Variants in CTNND1 observed in about 807,000 individuals in gnomAD.
The protein encoded by CTNND1 is catenin delta 1.
CTNND1 carries 16 observed loss-of-function variants against 112.1 expected under a neutral mutation model. The ratio of observed to expected loss-of-function variants is 0.14; its 90% CI spans 0.10 to 0.22. The LOEUF is 0.22. Ranked by LOEUF, CTNND1 falls within the 10% of genes least tolerant of loss-of-function variation. The pLI is 1.00. For synonymous variants in CTNND1, 420 were observed against 446.5 expected (o/e 0.94, Z 0.75); for missense variants, 1,008 against 1,257.0 (o/e 0.80, Z 3.00).
Position 57,803,810 on chromosome 11 carries a change from A to C in CTNND1, c.1604+6A>C. Reference sequence around the variant, plus strand: ...AACACAGCTGGCTGCCTTAGGTAACAGTAGGGACTTTGAGAATATGAAGAT... The same window carrying C: ...AACACAGCTGGCTGCCTTAGGTAACCGTAGGGACTTTGAGAATATGAAGAT... On this transcript the variant is annotated splice_donor_region_variant and intron_variant, in intron 8 of 20. Coordinates refer to ENST00000399050, the MANE Select transcript of CTNND1 (RefSeq NM_001085458.2). 6.3e-7 allele frequency: 1 copy of C among 1,576,014 alleles called. No homozygotes were observed. The highest frequency in any genetic ancestry group is 8.6e-7 in the Non-Finnish European group (1 of 1,162,584).
Position 57,791,654 on chromosome 11 carries a change from C to A in CTNND1, c.176C>A (p.Thr59Lys). 6.3e-7 allele frequency: 1 copy of A among 1,577,570 alleles called. No homozygotes were observed. Among genetic ancestry groups the A allele is most frequent in the Non-Finnish European group, 8.6e-7 (1 of 1,158,032 alleles). ...GCCAACCCACTCATGGCCAACGGCA[C>A]ACTCACCCGCCGGCATCAGGTAACC... ...QDANPLMANG[T>K]LTRRHQNGRF... Residue 59 changes from threonine (T) to lysine (K), a missense_variant, in exon 3 of 21, where the codon ACA becomes AAA. By Grantham distance (78) the Thr-to-Lys change is moderately conservative (BLOSUM62 -1). Coordinates refer to ENST00000399050, the MANE Select transcript of CTNND1 (RefSeq NM_001085458.2).
chr11:57,810,318 T>C (rs2137462947), intron 16 of CTNND1, 95 bp downstream of exon 16: 1 of 896,122 alleles, frequency 1.1e-6, no homozygotes, highest in South Asian at 1.9e-5. Flanking sequence ...TTCACCATCA[T>C]GCTAAACCTA....
In CTNND1 at chr11:57,802,153, G is replaced by A. The variant is rs1031132836; in HGVS notation, c.1377G>A (p.Leu459=). 16 of 1,613,880 alleles carry A rather than the reference G, an allele frequency of 9.9e-6. No homozygotes were observed. Among genetic ancestry groups the A allele is most frequent in the Non-Finnish European group, 1.4e-5 (16 of 1,179,826 alleles). The change falls in exon 7 of 21, where the codon TTG becomes TTA. Residue 459 remains leucine, a synonymous_variant. Transcript: ENST00000399050. ...ATGGTGTGCCTGCCCTTGTGCGATTGCTTCGAAAGGCTCGTGATATGGACC... is the reference window on the plus strand; with the variant it reads ...ATGGTGTGCCTGCCCTTGTGCGATTACTTCGAAAGGCTCGTGATATGGACC... ...NCDGVPALVR[L]LRKARDMDLT... is the part of the protein sequence containing the mutation.
chr11:57,797,522 C>T (rs1440775285), intron 6 of CTNND1, among the ~76,000 whole-genome samples: 10 of 122,180 alleles, frequency 8.2e-5, no homozygotes, highest in Non-Finnish European at 1.5e-4. Flanking sequence ...TGAGCCACCG[C>T]GCCTGGTCCA....
Position 57,808,281 on chromosome 11 carries a change from G to A in CTNND1, c.2080G>A (p.Gly694Arg), listed in dbSNP as rs1467378238. The change falls in exon 13 of 21, where the codon GGG (glycine) becomes AGG (arginine). Residue 694 changes from glycine (G) to arginine (R), a missense_variant. By Grantham distance (125) the Gly-to-Arg change is moderately radical. Transcript: ENST00000399050. ...TGGAGCTATCCAGAACTTGTGTGCT[G>A]GGCGCTGGACGGTACCTTTTAGAAA... Reference protein sequence around the residue: ...SAGAIQNLCAGRWTYGRYIRS... With the variant: ...SAGAIQNLCARRWTYGRYIRS... 6.2e-7 allele frequency: 1 copy of A among 1,613,230 alleles called. No individual in the cohort carries two copies. The highest frequency in any genetic ancestry group is 8.5e-7 in the Non-Finnish European group (1 of 1,179,240).
In CTNND1 at chr11:57,815,865, T is replaced by C; in HGVS notation, c.2809-50T>C. On this transcript the variant is annotated intron_variant, in intron 19 of 20. Coordinates refer to ENST00000399050, the MANE Select transcript of CTNND1 (RefSeq NM_001085458.2). Reference sequence around the variant, plus strand: ...GAGTTTCCCTAGCTCTGGCACACACTCATGAGGTTCCTGTCTCTACTCATA... The same window carrying C: ...GAGTTTCCCTAGCTCTGGCACACACCCATGAGGTTCCTGTCTCTACTCATA... The C allele has an allele frequency of 2.7e-6, 4 of 1,492,820 alleles. No individual in the cohort carries two copies. The South Asian group carries it at 4.8e-5, about 18-fold the overall frequency. The allele number at this position is 1,492,820 out of a possible 1,614,324, so 92.5% of individuals were successfully genotyped here.
intron 1 of CTNND1, among the ~76,000 whole-genome samples, chr11:57,768,871 T>C (rs899715502): frequency 6.6e-6 from 1 of 152,194 alleles, no homozygotes; most frequent in Non-Finnish European, 1.5e-5. Context: ...GCCTAGAAAC[T>C]TGCGGGTTTA....
In CTNND1 at chr11:57,793,767, G is replaced by A. The variant is rs376203320; in HGVS notation, c.196-243G>A. On this transcript the variant is annotated intron_variant, in intron 3 of 20. Coordinates refer to ENST00000399050, the MANE Select transcript of CTNND1 (RefSeq NM_001085458.2). ...TTATCCCAAAAAACCCTCTGCCCTCGTGGAGTTTACGTTCTTATGTTCCAG... is the reference window on the plus strand; with the variant it reads ...TTATCCCAAAAAACCCTCTGCCCTCATGGAGTTTACGTTCTTATGTTCCAG... Among the ~76,000 whole-genome samples the A allele has an allele frequency of 1.1e-4, 17 of 152,262 alleles. No homozygotes were observed. The East Asian group carries it at 1.2e-3, about 10-fold the overall frequency.
intron 1 of CTNND1, chr11:57,781,590 G>T (rs2059589196): frequency 6.6e-6 from 1 of 152,110 alleles, no homozygotes; most frequent in East Asian, 1.9e-4. Context: ...CTAAAGCCCT[G>T]CTTTCTCCTT....
rs1237522348 is a variant in CTNND1 at position 57,817,237 on chromosome 11, C to G, written c.*929C>G. The G allele has an allele frequency of 1.3e-5, 2 of 152,962 alleles. No homozygotes were observed. The highest frequency in any genetic ancestry group is 2.9e-5 in the Non-Finnish European group (2 of 68,316). The allele number at this position is 152,962 out of a possible 1,614,324, so 9.5% of individuals were successfully genotyped here. ...TAGTCTGAAACTGGCTTCCCCACTC[C>G]CCCGTTTCTCCTTTTCCTATCCTTA... is the stretch of plus-strand genomic sequence containing the variant. On this transcript the variant is annotated 3_prime_UTR_variant, in exon 21 of 21. Transcript: ENST00000399050.
intron 1 of CTNND1, among the ~76,000 whole-genome samples, chr11:57,783,122 C>T (rs1312851993): frequency 6.6e-6 from 1 of 151,990 alleles, no homozygotes; most frequent in African/African-American, 2.4e-5. Context: ...CGTGTCTCTA[C>T]TAAAAATACA....
rs192065562 is a variant in CTNND1, at chr11:57,781,182, C to T, written c.-213-7855C>T. Among the ~76,000 whole-genome samples, 13 of 152,270 alleles carry T rather than the reference C, an allele frequency of 8.5e-5. No homozygotes were observed. The East Asian group carries it at 2.5e-3, about 29-fold the overall frequency. On this transcript the variant is annotated intron_variant, in intron 1 of 20. Transcript: ENST00000399050. Reference sequence around the variant, plus strand: ...TCAAACTCCTGACCTGGTGATCCACCCGCCTCAGCCTCCCAAAGTGCTGGG... The same window carrying T: ...TCAAACTCCTGACCTGGTGATCCACTCGCCTCAGCCTCCCAAAGTGCTGGG...
In CTNND1 at chr11:57,819,155, GATTAAA is replaced by G. The variant is rs1393924366; in HGVS notation, c.*2852_*2857del. On this transcript the variant is annotated 3_prime_UTR_variant, in exon 21 of 21. Transcript: ENST00000399050. ...TGCTTTCTGTATGCCCAAATCTTTA[GATTAAA>G]ATTATATAGCTGCTCCTGATGATGG... 1.3e-5 allele frequency: 2 copies of G among 152,154 alleles called. No homozygotes were observed. Among genetic ancestry groups the G allele is most frequent in the African/African-American group, 4.8e-5 (2 of 41,430 alleles). 9.4% of individuals were successfully genotyped at this position (152,154 alleles called of 1,614,324 possible).
intron 6 of CTNND1, 69 bp from the exon 7 acceptor site, chr11:57,801,664 A>G: frequency 4.7e-6 from 6 of 1,273,116 alleles, no homozygotes; most frequent in Non-Finnish European, 6.7e-6. Flanking sequence ...AGATGAGGGT[A>G]ATGGGAATGT....
At chr11:57,812,229 A>G (rs958439258) in intron 17 of CTNND1, among the ~76,000 whole-genome samples, 1 of 152,196 alleles carries the variant, frequency 6.6e-6, no homozygotes, top group Non-Finnish European at 1.5e-5. Flanking sequence ...TGGAGAAGAA[A>G]AAACATCAGG....
At chr11:57,765,631 T>G (rs1950865914) in intron 1 of CTNND1, among the ~76,000 whole-genome samples, 1 of 152,046 alleles carries the variant, frequency 6.6e-6, no homozygotes, top group African/African-American at 2.4e-5. Flanking sequence ...TATGCTTGGC[T>G]AATTTTTGTG....
intron 11 of CTNND1, 63 bp downstream of exon 11, chr11:57,806,541 C>T (rs1460668789): frequency 3.5e-6 from 5 of 1,424,504 alleles, no homozygotes; most frequent in Admixed American, 2.0e-5. Context: ...TTTAGCTTCC[C>T]TAGTATGTCC....
chr11:57,808,649 C>T, intron 14 of CTNND1, 109 bp downstream of exon 14: 5 of 1,078,312 alleles, frequency 4.6e-6, no homozygotes, highest in South Asian at 2.7e-5. Flanking sequence ...GGGAAGGACC[C>T]TCCCCCGCTT....
intron 14 of CTNND1, 75 bp downstream of exon 14, chr11:57,808,615 A>G: frequency 7.4e-7 from 1 of 1,345,232 alleles, no homozygotes; most frequent in Non-Finnish European, 9.8e-7. Flanking sequence ...CTAATAATTT[A>G]TTGAATTTAT....
Sources: gnomAD v4.1 joint callset for allele counts (sites outside exome capture counted in the v4.1 genomes callset) on GRCh38, gnomAD v4.1.1 for gene constraint, MANE v1.5 for transcripts, NCBI Gene and HGNC (gene_info 2026-07-23, HGNC 2026-07-21) for gene names.